The following WDFY4 variants were observed in gnomAD, a reference collection of about 807,000 sequenced individuals.
WDFY4 encodes the protein WDFY family member 4, also known as WD repeat- and FYVE domain-containing protein 4.
A neutral mutation model predicts 351.9 loss-of-function variants in WDFY4; 169 were observed. The ratio of observed to expected loss-of-function variants is 0.48; its 90% confidence interval spans 0.42 to 0.55. WDFY4 has a LOEUF of 0.55. Ranked by LOEUF, WDFY4 falls within the 20% of genes least tolerant of loss-of-function variation. The probability of loss-of-function intolerance (pLI) is 0.00; values close to 1 mark genes in which losing one functional copy is unlikely to be tolerated. For missense variants in WDFY4, 3,803 were observed against 3,935.6 expected (o/e 0.97, Z 0.90); for synonymous variants, 1,622 against 1,574.6 (o/e 1.03, Z -0.71).
At chr10:48,949,468 C>T (rs1841213288) in intron 51 of WDFY4, among the ~76,000 whole-genome samples, 1 of 152,194 alleles carries the variant, frequency 6.6e-6, no homozygotes, top group African/African-American at 2.4e-5. Flanking sequence ...ATTCTGGCAT[C>T]TTCTTGAAGT....
chr10:48,895,392 C>T (rs568326443), intron 44 of WDFY4, among the ~76,000 whole-genome samples: 6 of 152,322 alleles, frequency 3.9e-5, no homozygotes, highest in African/African-American at 1.2e-4. Context: ...TCCCTGTCAC[C>T]TTAGGCTGGG....
intron 47 of WDFY4, chr10:48,913,463 T>A (rs757070761): frequency 6.2e-7 from 1 of 1,612,178 alleles, no homozygotes; most frequent in African/African-American, 1.3e-5. Flanking sequence ...TCTTTCTCGG[T>A]GTCGTCGTGG....
chr10:48,964,086 C>T (rs1161758847), intron 54 of WDFY4, 32 bp downstream of exon 54: 5 of 1,545,784 alleles, frequency 3.2e-6, no homozygotes, highest in Non-Finnish European at 4.4e-6. Context: ...GCCTTGCTTT[C>T]TCAAAAGAGT....
intron 1 of WDFY4, among the ~76,000 whole-genome samples, chr10:48,688,545 T>G (rs898618304): frequency 6.6e-6 from 1 of 152,230 alleles, no homozygotes; most frequent in Non-Finnish European, 1.5e-5. Context: ...GTGGTTTATA[T>G]TTTTATATTG....
Position 48,788,640 on chromosome 10 carries a change from T to C in WDFY4, c.3919T>C (p.Tyr1307His). Residue 1307 changes from tyrosine (Y) to histidine (H), a missense_variant, in exon 21 of 62, where the codon TAC (tyrosine) becomes CAC (histidine). Coordinates refer to ENST00000325239, the MANE Select transcript of WDFY4 (RefSeq NM_001394531.1). The stretch of plus-strand genomic sequence containing the variant: ...CAGTGTAGCGGACATCAGAAATGCT[T>C]ACAATGAGGTGGACAGCCGCCTGAT... Reference protein sequence around the residue: ...ITSVADIRNAYNEVDSRLIAK... With the variant: ...ITSVADIRNAHNEVDSRLIAK... The C allele has an allele frequency of 6.4e-7, 1 of 1,551,732 alleles. No homozygotes were observed. Among genetic ancestry groups the C allele is most frequent in the Non-Finnish European group, 8.7e-7 (1 of 1,146,978 alleles).
At chr10:48,710,509 T>C (rs528507881) in intron 2 of WDFY4, among the ~76,000 whole-genome samples, 4 of 152,340 alleles carry the variant, frequency 2.6e-5, no homozygotes, top group Admixed American at 2.6e-4. Flanking sequence ...AGTTAGCTTC[T>C]GAGTAATACT....
rs1196753193 is a variant in WDFY4 at position 48,969,157 on chromosome 10, A to G, written c.8678A>G (p.Asn2893Ser). The G allele has an allele frequency of 6.4e-7, 1 of 1,551,740 alleles. No homozygotes were observed. The highest frequency in any genetic ancestry group is 8.7e-7 in the Non-Finnish European group (1 of 1,146,970). Residue 2893 changes from asparagine to serine, a missense_variant, in exon 56 of 62, where the codon AAC becomes AGC. By Grantham distance (46) the Asn-to-Ser change is conservative. Around this residue, in one of 3 missense-constraint regions of WDFY4, gnomAD observed 3,054 missense variants for 3,148.6 expected, o/e 0.97. Coordinates refer to ENST00000325239, the MANE Select transcript of WDFY4 (RefSeq NM_001394531.1). ...AAGACCATTCTGGCTGTAGAGAGGA[A>G]CAAAGTGCTGCTGCCTCCTCTCTGG... is the stretch of plus-strand genomic sequence containing the variant. ...TEKTILAVER[N>S]KVLLPPLWNR...
At chr10:48,959,364 C>T (rs969229970) in intron 52 of WDFY4, among the ~76,000 whole-genome samples, 11 of 152,228 alleles carry the variant, frequency 7.2e-5, no homozygotes, top group African/African-American at 2.7e-4. Context: ...GCACCACTAT[C>T]ACTGTATCTC....
intron 32 of WDFY4, among the ~76,000 whole-genome samples, chr10:48,818,477 C>T (rs2067698719): frequency 6.6e-6 from 1 of 152,160 alleles, no homozygotes; most frequent in Admixed American, 6.5e-5. Flanking sequence ...AGAGGGGAAG[C>T]TGAGATTCAG....
At chr10:48,938,038 A>T (rs1840500998) in intron 47 of WDFY4, among the ~76,000 whole-genome samples, 1 of 152,238 alleles carries the variant, frequency 6.6e-6, no homozygotes, top group Non-Finnish European at 1.5e-5. Flanking sequence ...GAAATAGCCC[A>T]CACGCATCAG....
At chr10:48,883,394 G>A (rs889772021) in intron 43 of WDFY4, among the ~76,000 whole-genome samples, 15 of 152,106 alleles carry the variant, frequency 9.9e-5, no homozygotes, top group African/African-American at 3.6e-4. Flanking sequence ...CAAGGGGTGT[G>A]TGTGTGTGTG....
chr10:48,874,406 G>T (rs1020564661), intron 41 of WDFY4, among the ~76,000 whole-genome samples: 3 of 152,104 alleles, frequency 2.0e-5, no homozygotes, highest in African/African-American at 7.2e-5. Flanking sequence ...CCTCAAAGGC[G>T]GCCTTCCAAA....
intron 39 of WDFY4, among the ~76,000 whole-genome samples, chr10:48,842,595 T>G (rs893152305): frequency 6.6e-6 from 1 of 152,212 alleles, no homozygotes; most frequent in African/African-American, 2.4e-5. Flanking sequence ...GGGACCCTGA[T>G]GCTTAAACCG....
At chr10:48,950,253 A>G (rs561341974) in intron 51 of WDFY4, among the ~76,000 whole-genome samples, 1 of 152,262 alleles carries the variant, frequency 6.6e-6, no homozygotes, top group African/African-American at 2.4e-5. Context: ...TTCTGTCTCT[A>G]TGAATGACTA....
Position 48,803,355 on chromosome 10 carries a change from C to T in WDFY4, c.4480C>T (p.Pro1494Ser). ...CCATCTTTTGGAAATCCTTCAATCA[C>T]CAAGGTAGGCTGGGTCTTGGCAGCC... ...FSHLLEILQS[P>S]REGPRNAEAA... The change falls in exon 25 of 62, where the codon CCA becomes TCA. Residue 1494 changes from proline to serine, a missense_variant. Around this residue, in one of 3 missense-constraint regions of WDFY4, gnomAD observed 3,054 missense variants for 3,148.6 expected, o/e 0.97. Coordinates refer to ENST00000325239, the MANE Select transcript of WDFY4 (RefSeq NM_001394531.1). 6.4e-7 allele frequency: 1 copy of T among 1,551,900 alleles called. No individual in the cohort carries two copies. Among genetic ancestry groups the T allele is most frequent in the South Asian group, 1.2e-5 (1 of 84,052 alleles).
Position 48,822,516 on chromosome 10 carries a change from C to T in WDFY4, c.5961C>T (p.Phe1987=). ...CAGACCCCAGGCATATCCTCCTCTTCATCCTGGAGCACATCATGGTGGTAA... is the reference window on the plus strand; with the variant it reads ...CAGACCCCAGGCATATCCTCCTCTTTATCCTGGAGCACATCATGGTGGTAA... The part of the protein sequence containing the change: ...FSADPRHILL[F]ILEHIMVVIE... Residue 1987 remains phenylalanine, a synonymous_variant, in exon 35 of 62, where the codon TTC becomes TTT. Transcript: ENST00000325239. 1 of 1,545,930 alleles carries T rather than the reference C, an allele frequency of 6.5e-7. No individual in the cohort carries two copies. The highest frequency in any genetic ancestry group is 8.7e-7 in the Non-Finnish European group (1 of 1,143,524).
At chr10:48,952,482 G>A (rs959254191) in intron 51 of WDFY4, among the ~76,000 whole-genome samples, 5 of 152,196 alleles carry the variant, frequency 3.3e-5, no homozygotes, top group South Asian at 2.1e-4. Flanking sequence ...GGAAAAGCAC[G>A]TGCAATAGAG....
intron 1 of WDFY4, among the ~76,000 whole-genome samples, chr10:48,702,967 G>A (rs1407617611): frequency 6.6e-6 from 1 of 152,164 alleles, no homozygotes; most frequent in Non-Finnish European, 1.5e-5. Flanking sequence ...TCCTAATGAT[G>A]ATGCTGTTGT....
At chr10:48,787,913 TTCTTCTTCTTCTTCTTC>T (rs2066511062) in intron 20 of WDFY4, among the ~76,000 whole-genome samples, 3 of 50,622 alleles carry the variant, frequency 5.9e-5, no homozygotes, top group Admixed American at 2.1e-4. Context: ...CTTCTTCTTC[TTCTTCTTCTTCTTCTTC>T]TTCTTCTTCT....
Sources: allele counts gnomAD v4.1 joint callset (sites outside exome capture counted in the v4.1 genomes callset), GRCh38; gene constraint gnomAD v4.1.1; regional missense constraint gnomAD v4.1.1; transcripts MANE v1.5; gene names NCBI Gene and HGNC (gene_info 2026-07-23, HGNC 2026-07-21).